SCN10A: variants seen among roughly 807,000 people sequenced by gnomAD.
The protein encoded by SCN10A is sodium channel protein type 10 subunit alpha.
In SCN10A, 162 loss-of-function variants were observed where a neutral mutation model predicts 170.7. The ratio of observed to expected loss-of-function variants is 0.95; its 90% CI spans 0.84 to 1.08. The LOEUF is 1.08. SCN10A is among the 50% of genes least tolerant of loss of function. SCN10A has a pLI of 0.00. For missense variants in SCN10A, 2,527 were observed against 2,436.9 expected (o/e 1.04, Z -0.78); for synonymous variants, 985 against 904.6 (o/e 1.09, Z -1.59).
At chr3:38,800,247 T>C (rs1185657619) in intron 1 of SCN10A, among the ~76,000 whole-genome samples, 1 of 152,150 alleles carries the variant, frequency 6.6e-6, no homozygotes, top group East Asian at 1.9e-4. Context: ...TACAGTGAAC[T>C]TCACATGCCA....
At chr3:38,702,609 G>A (rs917892504) in intron 26 of SCN10A, among the ~76,000 whole-genome samples, 1 of 152,204 alleles carries the variant, frequency 6.6e-6, no homozygotes, top group Non-Finnish European at 1.5e-5. Context: ...TTGTTTCCCT[G>A]CAGTGCCCTG....
chr3:38,750,087 G>A lies in SCN10A; in HGVS notation c.1853C>T (p.Thr618Ile). The A allele has an allele frequency of 2.5e-6, 4 of 1,602,322 alleles. No homozygotes were observed. The highest frequency in any genetic ancestry group is 8.6e-7 in the Non-Finnish European group (1 of 1,169,586). ...QRAMSVVSIITSVLEELEESE... is the reference protein window; with the variant it reads ...QRAMSVVSIIISVLEELEESE... ...GCAGCACTTACCCTCAAGGACGGAG[G>A]TTATGATACTGACAACACTCATTGC... Residue 618 changes from threonine (T) to isoleucine (I), a missense_variant, in exon 13 of 28, where the codon ACC becomes ATC. Physicochemically the swap from Thr to Ile is moderately conservative, Grantham distance 89 (BLOSUM62 -1). Coordinates refer to ENST00000449082, the MANE Select transcript of SCN10A (RefSeq NM_006514.4).
At chr3:38,774,361 TGCTTCACCAGAAG>T (rs2064045610) in intron 4 of SCN10A, among the ~76,000 whole-genome samples, 1 of 152,208 alleles carries the variant, frequency 6.6e-6, no homozygotes, top group South Asian at 2.1e-4. Flanking sequence ...CTATTTTCAG[TGCTTCACCAGAAG>T]GCAAGTGCCC....
intron 4 of SCN10A, among the ~76,000 whole-genome samples, chr3:38,771,838 A>G (rs1250846641): frequency 6.6e-6 from 1 of 152,220 alleles, no homozygotes; most frequent in Non-Finnish European, 1.5e-5. Flanking sequence ...AAAGCTGAAA[A>G]CTGGCTGAAG....
At chr3:38,812,641 G>A (rs1004146017) in intron 1 of SCN10A, among the ~76,000 whole-genome samples, 23 of 152,026 alleles carry the variant, frequency 1.5e-4, no homozygotes, top group East Asian at 1.9e-4. Flanking sequence ...ACTACTGTTC[G>A]TTTTCTGTTG....
chr3:38,813,889 C>T (rs1322100178), intron 1 of SCN10A, among the ~76,000 whole-genome samples: 1 of 152,158 alleles, frequency 6.6e-6, no homozygotes, highest in Non-Finnish European at 1.5e-5. Flanking sequence ...CTGTCACATT[C>T]GAATCTTATT....
At chr3:38,789,338 T>C (rs2064249685) in intron 3 of SCN10A, among the ~76,000 whole-genome samples, 1 of 152,128 alleles carries the variant, frequency 6.6e-6, no homozygotes, top group Non-Finnish European at 1.5e-5. Flanking sequence ...TAGTCAACCA[T>C]GCTGCAGAGA....
intron 10 of SCN10A, 83 bp from the exon 11 acceptor site, chr3:38,756,041 G>A (rs1576007697): frequency 6.8e-7 from 1 of 1,463,794 alleles, no homozygotes; most frequent in Non-Finnish European, 9.5e-7. Flanking sequence ...GGGGTGCCAG[G>A]GGTGAGAGAT....
chr3:38,761,113 G>T, intron 7 of SCN10A, 79 bp downstream of exon 7: 1 of 1,162,220 alleles, frequency 8.6e-7, no homozygotes, highest in Non-Finnish European at 1.2e-6. Flanking sequence ...CACACACACA[G>T]GGGCTCCATA....
In SCN10A at chr3:38,771,232, G is replaced by C. The variant is rs376226677; in HGVS notation, c.599+47C>G. The C allele has an allele frequency of 6.2e-6, 10 of 1,601,260 alleles. No homozygotes were observed. The African/African-American group carries it at 1.2e-4, about 19-fold the overall frequency. On this transcript the variant is annotated intron_variant, in intron 5 of 27. Transcript: ENST00000449082. The stretch of plus-strand genomic sequence containing the variant: ...AGCCCTGTCTCCTACCCACCATTTT[G>C]TCCCCTCTCCTATCACACATGCAGA...
intron 23 of SCN10A, 97 bp downstream of exon 23, chr3:38,712,064 T>A: frequency 7.9e-7 from 1 of 1,258,798 alleles, no homozygotes; most frequent in Non-Finnish European, 1.1e-6. Flanking sequence ...GTGCTACTCC[T>A]TGCAAAGTCC....
At chr3:38,810,111 C>T (rs1559473853) in intron 1 of SCN10A, among the ~76,000 whole-genome samples, 1 of 152,158 alleles carries the variant, frequency 6.6e-6, no homozygotes, top group African/African-American at 2.4e-5. Context: ...TGAGCCCCTG[C>T]TCATAAAGCA....
At chr3:38,794,462 T>G (rs2064324747) in intron 1 of SCN10A, among the ~76,000 whole-genome samples, 1 of 152,208 alleles carries the variant, frequency 6.6e-6, no homozygotes, top group Admixed American at 6.5e-5. Flanking sequence ...TCACAATCTT[T>G]TATTTATTGA....
rs764191883 is a variant in SCN10A at position 38,742,507 on chromosome 3, C to T, written c.1890G>A (p.Lys630=). 2.6e-5 allele frequency: 42 copies of T among 1,614,014 alleles called. No individual in the cohort carries two copies. The highest frequency in any genetic ancestry group is 2.3e-5 in the Non-Finnish European group (27 of 1,180,022). ...VLEELEESEQ[K]CPPCLTSLSQ... Reference sequence around the variant, plus strand: ...ACAAGCTGGTCAAGCAGGGTGGGCACTTCTGTTCAGACTCCTCGAGTTCTG... The same window carrying T: ...ACAAGCTGGTCAAGCAGGGTGGGCATTTCTGTTCAGACTCCTCGAGTTCTG... Residue 630 remains lysine, a synonymous_variant, in exon 14 of 28, where the codon AAG becomes AAA. Coordinates refer to ENST00000449082, the MANE Select transcript of SCN10A (RefSeq NM_006514.4).
chr3:38,722,475 C>G lies in SCN10A; in HGVS notation c.3353-63G>C, dbSNP rs188832627. On this transcript the variant is annotated intron_variant, in intron 19 of 27. Coordinates refer to ENST00000449082, the MANE Select transcript of SCN10A (RefSeq NM_006514.4). ...TGGGCAAAGGGGATAATTTCTGCTC[C>G]TGCTGCAGAGAAACCATTCTGCTAG... 4.8e-4 allele frequency: 738 copies of G among 1,553,582 alleles called. 7 individuals carry two copies. The African/African-American group carries it at 9.1e-3, about 19-fold the overall frequency.
chr3:38,727,120 T>C (rs2063466721), intron 16 of SCN10A, 68 bp from the exon 17 acceptor site: 2 of 1,470,354 alleles, frequency 1.4e-6, no homozygotes, highest in East Asian at 4.6e-5. Context: ...GCCTACCGGG[T>C]TAGCAGCTGG....
intron 15 of SCN10A, among the ~76,000 whole-genome samples, chr3:38,736,359 CTCTGTGTGTGTG>C (rs1401575993): frequency 1.1e-5 from 1 of 91,440 alleles, no homozygotes; most frequent in East Asian, 3.7e-4. Context: ...AATAGGGAAA[CTCTGTGTGTGTG>C]TGTGTGTGTG....
In SCN10A at chr3:38,726,975, C is replaced by T. The variant is rs769977897; in HGVS notation, c.2718G>A (p.Glu906=). 6.2e-7 allele frequency: 1 copy of T among 1,614,246 alleles called. No individual in the cohort carries two copies. The highest frequency in any genetic ancestry group is 2.2e-5 in the East Asian group (1 of 44,886). The change falls in exon 17 of 28, where the codon GAG becomes GAA. Residue 906 remains glutamate (E), a synonymous_variant. Coordinates refer to ENST00000449082, the MANE Select transcript of SCN10A (RefSeq NM_006514.4). The stretch of plus-strand genomic sequence containing the variant: ...CCAGGGCCACCTGCAGGTTGTTCAC[C>T]TCCCCATCGTCCTCCGGGGCTGTGA... ...DNLTAPEDDG[E]VNNLQVALAR... is the part of the protein sequence containing the mutation.
intron 13 of SCN10A, among the ~76,000 whole-genome samples, chr3:38,748,344 G>A (rs1010597782): frequency 5.3e-5 from 8 of 152,172 alleles, no homozygotes; most frequent in Non-Finnish European, 1.2e-4. Flanking sequence ...GTCTGTACAC[G>A]TTGTTGTTGA....
Sources: gnomAD v4.1 joint callset for allele counts (sites outside exome capture counted in the v4.1 genomes callset) on GRCh38, gnomAD v4.1.1 for gene constraint, MANE v1.5 for transcripts, NCBI Gene and HGNC (gene_info 2026-07-23, HGNC 2026-07-21) for gene names.